Variants in SIGLEC14 observed in about 807,000 individuals in gnomAD.
SIGLEC14 encodes sialic acid binding Ig like lectin 14, also known as sialic acid-binding Ig-like lectin 14.
Under a neutral mutation model 34.2 loss-of-function variants are expected in SIGLEC14, and 11 were observed. The observed-to-expected ratio is 0.32, with a 90% CI of 0.20 to 0.53. The LOEUF is 0.53. SIGLEC14 is among the 20% of genes least tolerant of loss of function. The pLI is 0.95. For synonymous variants in SIGLEC14, 99 were observed against 179.7 expected, an observed-to-expected ratio of 0.55 and a Z score of 3.59; for missense variants, 264 against 439.0, an observed-to-expected ratio of 0.60 and a Z score of 3.56.
At position 51,643,379 on chromosome 19, in the gene SIGLEC14, C is replaced by G. The variant is rs1165999499; in HGVS notation, c.1167G>C (p.Gln389His). 6.6e-7 allele frequency: 1 copy of G among 1,518,790 alleles called. No individual in the cohort carries two copies. The highest frequency in any genetic ancestry group is 8.8e-7 in the Non-Finnish European group (1 of 1,135,922). The allele number at this position is 1,518,790 out of a possible 1,614,324, so 94.1% of individuals were successfully genotyped here. A position where few individuals can be genotyped will look rare whatever the true frequency, so the allele number is the denominator to read the frequency against. The change falls in exon 7 of 7, where the codon CAG becomes CAC. Residue 389 changes from glutamine (Q) to histidine (H), a missense_variant. Transcript: ENST00000360844. ...CTCAGCCAGGCCTCTCAGCCCTGCTCTGCTGGGGGCCTCCACACCTGCAGA... is the reference window on the plus strand; with the variant it reads ...CTCAGCCAGGCCTCTCAGCCCTGCTGTGCTGGGGGCCTCCACACCTGCAGA... ...IYYTRCGGPQQSRAERPG is the reference protein window; with the variant it reads ...IYYTRCGGPQHSRAERPG
intron 3 of SIGLEC14, 47 bp from the exon 4 acceptor site, chr19:51,645,577 TGGGCGTGGTCCCGGGA>T (rs1984015462): frequency 1.3e-6 from 2 of 1,509,342 alleles, no homozygotes; most frequent in Non-Finnish European, 1.8e-6. Flanking sequence ...ACAAGAGGGA[TGGGCGTGGTCCCGGGA>T]GGGACCCAAG....
At chr19:51,643,479 G>GGGGGGGGGGGGGGGGGCCC in intron 6 of SIGLEC14, 58 bp downstream of exon 6, 1 of 1,296,398 alleles carries the variant, frequency 7.7e-7, no homozygotes. Flanking sequence ...CCTGGGGCAG[G>GGGGGGGGGGGGGGGGGCCC]ACAGCTCAGC....
Position 51,644,395 on chromosome 19 carries a change from G to T in SIGLEC14, c.755-359C>A, listed in dbSNP as rs1285750846. Among the ~76,000 whole-genome samples the T allele has an allele frequency of 3.6e-5, 5 of 137,896 alleles. 1 individual carries two copies. The highest frequency in any genetic ancestry group is 1.4e-4 in the African/African-American group (5 of 36,126). 90.5% of individuals were successfully genotyped at this position (137,896 alleles called of 152,430 possible). A position where few individuals can be genotyped will look rare whatever the true frequency, so the allele number is the denominator to read the frequency against. On this transcript the variant is annotated intron_variant, in intron 4 of 6. Transcript: ENST00000360844. ...GATAATGGAGGTAGAAGCAGGCTCA[G>T]ATCTTTTGGAGCATTGGGTGCCAGA...
At position 51,642,652 on chromosome 19, in the gene SIGLEC14, C is replaced by A. The variant is rs571240345; in HGVS notation, c.*703G>T. Reference sequence around the variant, plus strand: ...TAATCACAATGAGGTAGAGTTTTAACTGGAAAACAAATGCTGCCTCTCTGT... The same window carrying A: ...TAATCACAATGAGGTAGAGTTTTAAATGGAAAACAAATGCTGCCTCTCTGT... On this transcript the variant is annotated 3_prime_UTR_variant, in exon 7 of 7. Coordinates refer to ENST00000360844, the MANE Select transcript of SIGLEC14 (RefSeq NM_001098612.3). 2 of 138,380 alleles carry A rather than the reference C, an allele frequency of 1.4e-5. No homozygotes were observed. The highest frequency in any genetic ancestry group is 1.4e-4 in the Admixed American group (2 of 14,338). The allele number at this position is 138,380 out of a possible 1,614,324, so 8.6% of individuals were successfully genotyped here. A position where few individuals can be genotyped will look rare whatever the true frequency, so the allele number is the denominator to read the frequency against.
At position 51,643,348 on chromosome 19, in the gene SIGLEC14, G is replaced by A; in HGVS notation, c.*7C>T. The A allele has an allele frequency of 2.6e-6, 4 of 1,525,200 alleles. No individual in the cohort carries two copies. Among genetic ancestry groups the A allele is most frequent in the Non-Finnish European group, 3.5e-6 (4 of 1,138,584 alleles). The allele number at this position is 1,525,200 out of a possible 1,614,324, so 94.5% of individuals were successfully genotyped here. Reference sequence around the variant, plus strand: ...CACACCTCAGTTCTGTCTTGAGCGGGAGGGGCTCAGCCAGGCCTCTCAGCC... The same window carrying A: ...CACACCTCAGTTCTGTCTTGAGCGGAAGGGGCTCAGCCAGGCCTCTCAGCC... On this transcript the variant is annotated 3_prime_UTR_variant, in exon 7 of 7. Coordinates refer to ENST00000360844, the MANE Select transcript of SIGLEC14 (RefSeq NM_001098612.3).
rs949079608 is a variant in SIGLEC14 at position 51,645,276 on chromosome 19, A to G, written c.754+201T>C. Among the ~76,000 whole-genome samples the G allele has an allele frequency of 6.5e-5, 9 of 139,392 alleles. 2 individuals are homozygous for G. The highest frequency in any genetic ancestry group is 2.5e-4 in the African/African-American group (9 of 36,702). The allele number at this position is 139,392 out of a possible 152,430, so 91.4% of individuals were successfully genotyped here. A position where few individuals can be genotyped will look rare whatever the true frequency, so the allele number is the denominator to read the frequency against. ...CAATGAAAAAATAAATCTGAAAAAG[A>G]GAGCAGAGAAAAGGGAGAAGCCAAA... On this transcript the variant is annotated intron_variant, in intron 4 of 6. Coordinates refer to ENST00000360844, the MANE Select transcript of SIGLEC14 (RefSeq NM_001098612.3).
chr19:51,645,338 C>A, intron 4 of SIGLEC14, 139 bp downstream of exon 4: 1 of 681,066 alleles, frequency 1.5e-6, no homozygotes, highest in South Asian at 1.8e-5. Flanking sequence ...ATCTTAGTGA[C>A]TGGGATTGGG....
In SIGLEC14 at chr19:51,644,249, C is replaced by T. The variant is rs1429947326; in HGVS notation, c.755-213G>A. Reference sequence around the variant, plus strand: ...AAAGACAGATGAGGAGGAGTTCTCACATTAAGGAGAAGTGGATGGGCAGCT... The same window carrying T: ...AAAGACAGATGAGGAGGAGTTCTCATATTAAGGAGAAGTGGATGGGCAGCT... On this transcript the variant is annotated intron_variant, in intron 4 of 6. Coordinates refer to ENST00000360844, the MANE Select transcript of SIGLEC14 (RefSeq NM_001098612.3). Among the ~76,000 whole-genome samples, 3 of 137,864 alleles carry T rather than the reference C, an allele frequency of 2.2e-5. 1 individual carries two copies. The highest frequency in any genetic ancestry group is 4.6e-5 in the Non-Finnish European group (3 of 64,640). 90.4% of individuals were successfully genotyped at this position (137,864 alleles called of 152,430 possible). A position where few individuals can be genotyped will look rare whatever the true frequency, so the allele number is the denominator to read the frequency against.
Position 51,640,585 on chromosome 19 carries a change from T to C in SIGLEC14, c.*2770A>G, listed in dbSNP as rs1189334504. On this transcript the variant is annotated 3_prime_UTR_variant, in exon 7 of 7. Transcript: ENST00000360844. ...AAAATGCATACTATGCAAATACTAG[T>C]CAAAAGAAAACTGGAATGGCTATGT... 1.4e-5 allele frequency among the ~76,000 whole-genome samples: 2 copies of C among 138,974 alleles called. 1 individual carries two copies. The highest frequency in any genetic ancestry group is 5.5e-5 in the African/African-American group (2 of 36,590). 91.2% of individuals were successfully genotyped at this position (138,974 alleles called of 152,430 possible).
In SIGLEC14 at chr19:51,640,159, A is replaced by G. The variant is rs974606669; in HGVS notation, c.*3196T>C. Among the ~76,000 whole-genome samples the G allele has an allele frequency of 2.9e-5, 4 of 139,620 alleles. No homozygotes were observed. Among genetic ancestry groups the G allele is most frequent in the Non-Finnish European group, 6.1e-5 (4 of 65,168 alleles). The allele number at this position is 139,620 out of a possible 152,430, so 91.6% of individuals were successfully genotyped here. A position where few individuals can be genotyped will look rare whatever the true frequency, so the allele number is the denominator to read the frequency against. ...TTATGAAGGAGTAAGCTCCTAGCAG[A>G]GTGAACTCACCACAACACAACAAAA... On this transcript the variant is annotated 3_prime_UTR_variant, in exon 7 of 7. Coordinates refer to ENST00000360844, the MANE Select transcript of SIGLEC14 (RefSeq NM_001098612.3).
chr19:51,643,483 G>GGGGGGGGGGGGGCC, intron 6 of SIGLEC14, 54 bp downstream of exon 6: 2 of 1,297,882 alleles, frequency 1.5e-6, no homozygotes, highest in Non-Finnish European at 2.0e-6. Flanking sequence ...GGGCAGGACA[G>GGGGGGGGGGGGGCC]CTCAGCCCCA....
At chr19:51,645,158 G>A (rs910594488) in intron 4 of SIGLEC14, among the ~76,000 whole-genome samples, 1 of 139,046 alleles carries the variant, frequency 7.2e-6, no homozygotes, top group African/African-American at 2.7e-5. Flanking sequence ...TCTGCAGTTT[G>A]GTTTTGCAAC....
At chr19:51,643,483 G>GGCCCCCCCCCCCCC in intron 6 of SIGLEC14, 54 bp downstream of exon 6, 1 of 1,297,888 alleles carries the variant, frequency 7.7e-7, no homozygotes, top group Non-Finnish European at 1.0e-6. Flanking sequence ...GGGCAGGACA[G>GGCCCCCCCCCCCCC]CTCAGCCCCA....
Position 51,645,919 on chromosome 19 carries a change from A to C in SIGLEC14, c.563T>G (p.Leu188Arg), listed in dbSNP as rs1984030187. 6.1e-6 allele frequency: 9 copies of C among 1,483,242 alleles called. 1 individual carries two copies. The highest frequency in any genetic ancestry group is 8.1e-6 in the Non-Finnish European group (9 of 1,113,508). The allele number at this position is 1,483,242 out of a possible 1,614,324, so 91.9% of individuals were successfully genotyped here. A position where few individuals can be genotyped will look rare whatever the true frequency, so the allele number is the denominator to read the frequency against. The change falls in exon 3 of 7, where the codon CTG becomes CGG. Residue 188 changes from leucine to arginine, a missense_variant. By Grantham distance (102) the Leu-to-Arg change is moderately radical. Transcript: ENST00000360844. ...CGAGGAGCGGGTGGTCTCGGGGTCCAGGGGGCTGAGGGCATTCCCCGTCCA... is the reference window on the plus strand; with the variant it reads ...CGAGGAGCGGGTGGTCTCGGGGTCCCGGGGGCTGAGGGCATTCCCCGTCCA... The part of the protein sequence containing the change: ...FSWTGNALSP[L>R]DPETTRSSEL...
At position 51,645,533 on chromosome 19, in the gene SIGLEC14, G is replaced by A. The variant is rs1224097891; in HGVS notation, c.701-3C>T. 1.3e-6 allele frequency: 2 copies of A among 1,532,016 alleles called. No individual in the cohort carries two copies. The highest frequency in any genetic ancestry group is 1.8e-6 in the Non-Finnish European group (2 of 1,140,350). 94.9% of individuals were successfully genotyped at this position (1,532,016 alleles called of 1,614,324 possible). ...GATGGCGAGGTTCTGTGGAGCATCT[G>A]GGATAGAAAGATACAGCACCAGCTT... On this transcript the variant is annotated splice_region_variant and splice_polypyrimidine_tract_variant and intron_variant, in intron 3 of 6. Transcript: ENST00000360844.
At position 51,639,820 on chromosome 19, in the gene SIGLEC14, G is replaced by A. The variant is rs1219184604; in HGVS notation, c.*3535C>T. ...TAAATAAAGTATATCAAGAGTTAAA[G>A]CATATAGAAAAAAAGCAAATATTGC... On this transcript the variant is annotated 3_prime_UTR_variant, in exon 7 of 7. Transcript: ENST00000360844. The A allele has an allele frequency of 7.2e-6, 1 of 138,906 alleles. No individual in the cohort carries two copies. The highest frequency in any genetic ancestry group is 1.5e-5 in the Non-Finnish European group (1 of 65,022). 8.6% of individuals were successfully genotyped at this position (138,906 alleles called of 1,614,324 possible). A position where few individuals can be genotyped will look rare whatever the true frequency, so the allele number is the denominator to read the frequency against.
At chr19:51,643,756 T>A (rs753225213) in intron 5 of SIGLEC14, 23 bp downstream of exon 5, 4 of 1,511,424 alleles carry the variant, frequency 2.6e-6, no homozygotes, top group Non-Finnish European at 3.5e-6. Flanking sequence ...CTGTCTACCC[T>A]CAGCACCTGT....
chr19:51,641,709 C>T lies in SIGLEC14; in HGVS notation c.*1646G>A, dbSNP rs1395192220. ...CACAAGAAGAGAAAACCAAATACCACATGTTCTCACTTGTAAGTGGGAGCT... is the reference window on the plus strand; with the variant it reads ...CACAAGAAGAGAAAACCAAATACCATATGTTCTCACTTGTAAGTGGGAGCT... On this transcript the variant is annotated 3_prime_UTR_variant, in exon 7 of 7. Coordinates refer to ENST00000360844, the MANE Select transcript of SIGLEC14 (RefSeq NM_001098612.3). Among the ~76,000 whole-genome samples the T allele has an allele frequency of 2.9e-5, 4 of 139,392 alleles. 1 individual carries two copies. The highest frequency in any genetic ancestry group is 1.1e-4 in the African/African-American group (4 of 36,692). 91.4% of individuals were successfully genotyped at this position (139,392 alleles called of 152,430 possible).
chr19:51,641,769 C>G lies in SIGLEC14; in HGVS notation c.*1586G>C, dbSNP rs914386763. ...GAACACATGGATACATAGAGGTGAG[C>G]AACACACACTGGGGCCTTTCAAAGG... On this transcript the variant is annotated 3_prime_UTR_variant, in exon 7 of 7. Transcript: ENST00000360844. Among the ~76,000 whole-genome samples the G allele has an allele frequency of 1.4e-5, 2 of 138,674 alleles. 1 individual carries two copies. Among genetic ancestry groups the G allele is most frequent in the Non-Finnish European group, 3.1e-5 (2 of 64,876 alleles). 91.0% of individuals were successfully genotyped at this position (138,674 alleles called of 152,430 possible). A position where few individuals can be genotyped will look rare whatever the true frequency, so the allele number is the denominator to read the frequency against.
Sources: gnomAD v4.1 joint callset for allele counts (sites outside exome capture counted in the v4.1 genomes callset) on GRCh38, gnomAD v4.1.1 for gene constraint, MANE v1.5 for transcripts, NCBI Gene and HGNC (gene_info 2026-07-23, HGNC 2026-07-21) for gene names.